Variants in SLC12A7 observed in about 807,000 individuals in gnomAD.
SLC12A7 encodes the protein K-Cl cotransporter 4.
A neutral mutation model predicts 120.6 loss-of-function variants in SLC12A7; 100 were observed. The observed-to-expected ratio is 0.83, with a 90% CI of 0.71 to 0.98. The LOEUF (loss-of-function observed/expected upper bound fraction) is 0.98, where lower values mean the gene tolerates loss of function less well. Ranked by LOEUF, SLC12A7 falls within the 50% of genes least tolerant of loss-of-function variation. The pLI, the probability that SLC12A7 is intolerant of heterozygous loss-of-function variation, is 0.00. For missense variants in SLC12A7, 1,373 were observed against 1,548.1 expected (o/e 0.89, Z 1.90); for synonymous variants, 760 against 678.0 (o/e 1.12, Z -1.88).
At chr5:1,142,642 G>GGCTGTCTCTGTCTCCCTGTCTC in the SLC12A7 span, among the ~76,000 whole-genome samples, 3 of 147,226 alleles carry the variant, frequency 2.0e-5, no homozygotes, top group East Asian at 6.1e-4. Context: ...GTCTCTGTCT[G>GGCTGTCTCTGTCTCCCTGTCTC]GCTGTCTCTG....
At chr5:1,137,108 C>T in the SLC12A7 span, among the ~76,000 whole-genome samples, 4 of 152,336 alleles carry the variant, frequency 2.6e-5, no homozygotes, top group South Asian at 8.3e-4. Flanking sequence ...CCAGAGCTGG[C>T]TGCACAGAGC....
At chr5:1,065,987 G>A (rs1246185888) in intron 17 of SLC12A7, among the ~76,000 whole-genome samples, 1 of 152,166 alleles carries the variant, frequency 6.6e-6, no homozygotes, top group African/African-American at 2.4e-5. Flanking sequence ...TCACTGCTGT[G>A]TGCAGTCTCT....
At chr5:1,153,807 T>C in the SLC12A7 span, among the ~76,000 whole-genome samples, 1 of 152,040 alleles carries the variant, frequency 6.6e-6, no homozygotes, top group Non-Finnish European at 1.5e-5. Flanking sequence ...GCAGGCTGAC[T>C]TCAGAACTAG....
At chr5:1,060,503 G>A (rs775987652) in intron 20 of SLC12A7, 52 bp from the exon 21 acceptor site, 2 of 1,386,796 alleles carry the variant, frequency 1.4e-6, no homozygotes, top group South Asian at 1.2e-5. Context: ...AACCACGGAT[G>A]GCTCCAACAC....
upstream of SLC12A7, among the ~76,000 whole-genome samples, chr5:1,112,336 T>TCC (rs1170602838): frequency 1.8e-4 from 1 of 5,486 alleles, no homozygotes; most frequent in Non-Finnish European, 3.4e-4. Context: ...CTCCCCGCCC[T>TCC]CCCCGCCCTC....
chr5:1,075,512 C>G, intron 14 of SLC12A7, 22 bp from the exon 15 acceptor site: 1 of 1,603,192 alleles, frequency 6.2e-7, no homozygotes, highest in Non-Finnish European at 8.5e-7. Flanking sequence ...GCAAGTGGCT[C>G]GGGGCGGCCC....
the SLC12A7 span, among the ~76,000 whole-genome samples, chr5:1,141,089 A>G: frequency 2.0e-5 from 3 of 152,342 alleles, no homozygotes; most frequent in Non-Finnish European, 2.9e-5. Context: ...TCGGGCCTGA[A>G]GTCCCAGGTC....
rs1736423255 is a variant in SLC12A7 at position 1,062,682 on chromosome 5, TGGGGGGCTG to T, written c.2739+1153_2739+1161del. Among the ~76,000 whole-genome samples the T allele has an allele frequency of 4.0e-3, 6 of 1,506 alleles. No homozygotes were observed. The Admixed American group carries it at 0.11, about 28-fold the overall frequency. 1.0% of individuals were successfully genotyped at this position (1,506 alleles called of 152,430 possible). ...TCTGCCATACCCAGGGCTGGGGGGC[TGGGGGGCTG>T]GGGGACTGAGGGACTGGGGGACTGG... On this transcript the variant is annotated intron_variant, in intron 20 of 23. Transcript: ENST00000264930.
the SLC12A7 span, among the ~76,000 whole-genome samples, chr5:1,129,959 G>A: frequency 2.0e-5 from 3 of 152,164 alleles, no homozygotes; most frequent in Non-Finnish European, 4.4e-5. Flanking sequence ...AGGGGTCAGA[G>A]CTCAAGGGAC....
intron 23 of SLC12A7, 106 bp downstream of exon 23, chr5:1,053,243 G>A: frequency 7.3e-7 from 1 of 1,366,618 alleles, no homozygotes; most frequent in East Asian, 2.5e-5. Context: ...GGCTGAAGGA[G>A]AGGCGGGAAG....
the SLC12A7 span, among the ~76,000 whole-genome samples, chr5:1,141,559 C>T: frequency 6.6e-6 from 1 of 152,258 alleles, no homozygotes; most frequent in Non-Finnish European, 1.5e-5. Flanking sequence ...TCCCTGGGGA[C>T]TGTCTTCCCC....
intron 16 of SLC12A7, among the ~76,000 whole-genome samples, 179 bp from the exon 17 acceptor site, chr5:1,073,980 G>A (rs575514475): frequency 8.5e-5 from 13 of 152,260 alleles, no homozygotes; most frequent in Admixed American, 4.6e-4. Context: ...CGTGACACAC[G>A]TGGGGTAAGT....
intron 1 of SLC12A7, among the ~76,000 whole-genome samples, chr5:1,109,889 T>C (rs1742862708): frequency 6.6e-6 from 1 of 152,260 alleles, no homozygotes; most frequent in African/African-American, 2.4e-5. Context: ...GCTTGGGTGC[T>C]GGTAACTCTG....
chr5:1,054,218 G>A (rs889371696), intron 22 of SLC12A7, among the ~76,000 whole-genome samples: 3 of 152,220 alleles, frequency 2.0e-5, no homozygotes, highest in Admixed American at 6.5e-5. Context: ...TCCAGCCCCC[G>A]CCTTCCGTCC....
chr5:1,076,864 G>A, intron 12 of SLC12A7, 52 bp from the exon 13 acceptor site: 15 of 1,273,388 alleles, frequency 1.2e-5, no homozygotes, highest in Non-Finnish European at 1.2e-5. Flanking sequence ...CCTTTTAGGA[G>A]AGAAGCTGCA....
chr5:1,154,576 T>C, the SLC12A7 span, among the ~76,000 whole-genome samples: 1 of 152,040 alleles, frequency 6.6e-6, no homozygotes, highest in Non-Finnish European at 1.5e-5. Flanking sequence ...CTCACATGGC[T>C]CCCGGCAGTG....
At chr5:1,078,646 A>G in intron 11 of SLC12A7, 55 bp downstream of exon 11, 2 of 1,430,790 alleles carry the variant, frequency 1.4e-6, no homozygotes, top group Middle Eastern at 1.7e-4. Context: ...ATTCATCCTC[A>G]GGAAAACCCT....
chr5:1,143,297 G>A, the SLC12A7 span, among the ~76,000 whole-genome samples: 1 of 152,248 alleles, frequency 6.6e-6, no homozygotes, highest in Non-Finnish European at 1.5e-5. Context: ...AGCGCCATGG[G>A]CGGGGGCTTC....
chr5:1,114,979 C>G (rs79783624), upstream of SLC12A7, among the ~76,000 whole-genome samples: 11 of 152,324 alleles, frequency 7.2e-5, no homozygotes, highest in East Asian at 2.1e-3. Flanking sequence ...GTGCCTCTCC[C>G]TCATTTGTCA....
Sources: gnomAD v4.1 joint callset for allele counts (sites outside exome capture counted in the v4.1 genomes callset) on GRCh38, gnomAD v4.1.1 for gene constraint, MANE v1.5 for transcripts, NCBI Gene and HGNC (gene_info 2026-07-23, HGNC 2026-07-21) for gene names.